The following SP140 variants were observed in gnomAD, a reference collection of about 807,000 sequenced individuals.
SP140 encodes nuclear body protein SP140.
Under a neutral mutation model 125.0 loss-of-function variants are expected in SP140, and 81 were observed. The ratio of observed to expected loss-of-function variants is 0.65; its 90% CI spans 0.54 to 0.78. The LOEUF (loss-of-function observed/expected upper bound fraction) is 0.78. Among genes scored for constraint, SP140 ranks in the 30% least tolerant of loss-of-function variants. The pLI, the probability that SP140 is intolerant of heterozygous loss-of-function variation, is 0.00. For synonymous variants in SP140, 312 were observed against 354.0 expected (o/e 0.88, Z 1.33); for missense variants, 858 against 1,037.0 (o/e 0.83, Z 2.37).
At chr2:230,283,730 G>A (rs1019288399) in intron 15 of SP140, among the ~76,000 whole-genome samples, 3 of 152,170 alleles carry the variant, frequency 2.0e-5, no homozygotes, top group African/African-American at 4.8e-5. Context: ...TAAAGGGCAC[G>A]TCAGACTGCA....
At chr2:230,221,041 G>A (rs1041684147), upstream of SP140, among the ~76,000 whole-genome samples, 2 of 151,890 alleles carry the variant, frequency 1.3e-5, no homozygotes, top group Non-Finnish European at 2.9e-5. Context: ...CCAGCACTTT[G>A]GGAGGCTGAG....
rs558153149 is a variant in SP140, at chr2:230,309,427, A to C, written c.2059-497A>C. Among the ~76,000 whole-genome samples the C allele has an allele frequency of 1.3e-4, 20 of 152,288 alleles. 1 individual carries two copies. The highest frequency in any genetic ancestry group is 2.8e-4 in the Non-Finnish European group (19 of 68,006). On this transcript the variant is annotated intron_variant, in intron 22 of 26. Coordinates refer to ENST00000392045, the MANE Select transcript of SP140 (RefSeq NM_007237.5). ...AGAGCCCTCCAGGCACAAAACGTAC[A>C]GTCTAGGAATCCCTAACTAGGCCCT...
rs1027548148 is a variant in SP140, at chr2:230,211,978, G to T, written c.-322-1676G>T. On this transcript the variant is annotated intron_variant, in intron 1 of 4. Transcript: ENST00000456542. The surrounding 1 kb of genome is among the most constrained non-coding windows in gnomAD (Gnocchi z 4.2). ...TACAATTTGAGAAGCTAAATATTAGGTCTAGCAGACCTTTAAACATTTTAT... is the reference window on the plus strand; with the variant it reads ...TACAATTTGAGAAGCTAAATATTAGTTCTAGCAGACCTTTAAACATTTTAT... Among the ~76,000 whole-genome samples the T allele has an allele frequency of 2.6e-5, 4 of 152,118 alleles. No homozygotes were observed. The highest frequency in any genetic ancestry group is 9.7e-5 in the African/African-American group (4 of 41,412).
intron 3 of SP140, among the ~76,000 whole-genome samples, chr2:230,220,567 G>A (rs2045725852): frequency 6.6e-6 from 1 of 152,312 alleles, no homozygotes; most frequent in East Asian, 1.9e-4. Flanking sequence ...GAGCTGGGCA[G>A]GTAGTTGGGA....
At chr2:230,223,270 C>T (rs951914448), upstream of SP140, among the ~76,000 whole-genome samples, 15 of 152,042 alleles carry the variant, frequency 9.9e-5, 1 homozygote, top group Admixed American at 8.5e-4. Flanking sequence ...CTCCTGACCT[C>T]GTGATCTGCC....
At position 230,211,570 on chromosome 2, in the gene SP140, A is replaced by T. The variant is rs1353909472; in HGVS notation, c.-322-2084A>T. ...CACTGGCCACTGAATGGAGGAAGAA[A>T]AAGTTTTAGATCTCAGGAACAGCAA... On this transcript the variant is annotated intron_variant, in intron 1 of 4. Transcript: ENST00000456542. This position sits in a 1 kb window ranked among gnomAD's most constrained non-coding sequence, Gnocchi z 4.2. 6.7e-7 allele frequency: 1 copy of T among 1,483,328 alleles called. No individual in the cohort carries two copies. Among genetic ancestry groups the T allele is most frequent in the South Asian group, 1.1e-5 (1 of 88,440 alleles). The allele number at this position is 1,483,328 out of a possible 1,614,324, so 91.9% of individuals were successfully genotyped here.
At chr2:230,272,340 A>G (rs574707109) in intron 15 of SP140, among the ~76,000 whole-genome samples, 1 of 152,266 alleles carries the variant, frequency 6.6e-6, no homozygotes, top group Admixed American at 6.5e-5. Flanking sequence ...ATTAACTGAT[A>G]TGGTTTGGCT....
Position 230,288,521 on chromosome 2 carries a change from C to G in SP140, c.1720+555C>G, listed in dbSNP as rs528044386. 1.5e-4 allele frequency among the ~76,000 whole-genome samples: 16 copies of G among 109,234 alleles called. No homozygotes were observed. In the East Asian group the frequency reaches 3.1e-3, roughly 21 times the overall value. 71.7% of individuals were successfully genotyped at this position (109,234 alleles called of 152,430 possible). ...TCTTTCTTTCTTTCTTTCTTTCTTT[C>G]TTTTTTTATTCTTTAAGTTCTGAGA... On this transcript the variant is annotated intron_variant, in intron 18 of 26. Transcript: ENST00000392045.
At chr2:230,258,990 T>G (rs1361312515) in intron 12 of SP140, among the ~76,000 whole-genome samples, 1 of 152,248 alleles carries the variant, frequency 6.6e-6, no homozygotes, top group Non-Finnish European at 1.5e-5. Flanking sequence ...TGCAATTGCT[T>G]TGAGGCAACT....
At chr2:230,192,825 G>T in the SP140 span, among the ~76,000 whole-genome samples, 1 of 152,156 alleles carries the variant, frequency 6.6e-6, no homozygotes, top group African/African-American at 2.4e-5. Context: ...TCCATGTGCT[G>T]ATGAGAAGAA....
At chr2:230,280,165 T>C (rs1407623489) in intron 15 of SP140, among the ~76,000 whole-genome samples, 25 of 152,218 alleles carry the variant, frequency 1.6e-4, no homozygotes, top group Admixed American at 1.6e-3. Flanking sequence ...TATTTGCCAA[T>C]TCCTCTTTAT....
At chr2:230,213,125 A>C in intron 1 of SP140, 1 of 1,192,486 alleles carries the variant, frequency 8.4e-7, no homozygotes, top group Non-Finnish European at 1.2e-6. Context: ...GGATGGGGGC[A>C]TGGAGCTATT....
intron 12 of SP140, among the ~76,000 whole-genome samples, chr2:230,268,429 A>ACAGGAGAATCTCTTGAACC (rs2053450414): frequency 2.0e-5 from 3 of 151,764 alleles, no homozygotes; most frequent in Admixed American, 2.0e-4. Context: ...GGAGGCTGAG[A>ACAGGAGAATCTCTTGAACC]CAGGAGAATC....
In SP140 at chr2:230,238,242, C is replaced by T. The variant is rs1408251573; in HGVS notation, c.267C>T (p.Val89=). Residue 89 remains valine (V), a synonymous_variant, in exon 3 of 27, where the codon GTC becomes GTT. Transcript: ENST00000392045. ...EHFQEAFRNL[V]PVTRVMYCVL... is the part of the protein sequence containing the mutation. ...TTCAAGAAGCTTTTAGAAACCTGGT[C>T]CCAGTGACAAGAGTGATGTATTGTG... 6.3e-7 allele frequency: 1 copy of T among 1,599,736 alleles called. No individual in the cohort carries two copies. The highest frequency in any genetic ancestry group is 8.5e-7 in the Non-Finnish European group (1 of 1,174,736).
At chr2:230,259,998 G>A (rs1043857701) in intron 12 of SP140, among the ~76,000 whole-genome samples, 1 of 151,980 alleles carries the variant, frequency 6.6e-6, no homozygotes, top group Admixed American at 6.6e-5. Context: ...TCTATTTTTA[G>A]TTCTTTAAGG....
rs1433258682 is a variant in SP140, at chr2:230,294,319, G to A, written c.2016+1G>A. 1.2e-6 allele frequency: 2 copies of A among 1,607,678 alleles called. No individual in the cohort carries two copies. Among genetic ancestry groups the A allele is most frequent in the African/African-American group, 1.3e-5 (1 of 74,798 alleles). On this transcript the variant is annotated splice_donor_variant, in intron 21 of 26. Coordinates refer to ENST00000392045, the MANE Select transcript of SP140 (RefSeq NM_007237.5). LOFTEE classifies it high-confidence loss of function. ...AAGAATACGTTACAGGAAAAAAAAG[G>A]TGATTATTACATAGCTTTATACAGC...
intron 9 of SP140, among the ~76,000 whole-genome samples, chr2:230,249,364 A>G (rs544142740): frequency 6.6e-6 from 1 of 152,294 alleles, no homozygotes; most frequent in East Asian, 1.9e-4. Flanking sequence ...ATGTTTTGTG[A>G]AAGACCGAAG....
chr2:230,293,336 A>G (rs987153385), intron 20 of SP140, among the ~76,000 whole-genome samples: 1 of 152,060 alleles, frequency 6.6e-6, no homozygotes, highest in Non-Finnish European at 1.5e-5. Flanking sequence ...ACAATATTTT[A>G]TTTTATTTAT....
At chr2:230,203,031 C>G (rs946938885), upstream of SP140, 35 of 414,656 alleles carry the variant, frequency 8.4e-5, no homozygotes, top group African/African-American at 6.7e-4. Flanking sequence ...TCGGCCTGCA[C>G]CACGAGGTGG....
Sources: gnomAD v4.1 joint callset for allele counts (sites outside exome capture counted in the v4.1 genomes callset) on GRCh38, gnomAD v4.1.1 for gene constraint, Gnocchi (gnomAD v3.1) non-coding constraint, MANE v1.5 for transcripts, NCBI Gene and HGNC (gene_info 2026-07-23, HGNC 2026-07-21) for gene names.